Variants in ASB5 observed in about 807,000 individuals in gnomAD.
ASB5 encodes ankyrin repeat and SOCS box protein 5.
In ASB5, 45 loss-of-function variants were observed where a neutral mutation model predicts 42.1. The observed-to-expected ratio is 1.07, with a 90% CI of 0.84 to 1.37. The LOEUF is 1.37. Among genes scored for constraint, ASB5 ranks in the 40% most tolerant of loss-of-function variants. ASB5 has a pLI of 0.00. For synonymous variants in ASB5, 147 were observed against 150.6 expected (o/e 0.98, Z 0.18); for missense variants, 402 against 399.8 (o/e 1.01, Z -0.05).
chr4:176,274,617 C>T (rs1020247055), intron 2 of ASB5, among the ~76,000 whole-genome samples: 1 of 152,148 alleles, frequency 6.6e-6, no homozygotes, highest in African/African-American at 2.4e-5. Context: ...AACCACTGTC[C>T]TCTGAGGTAG....
At chr4:176,234,516 C>T (rs1753635601) in intron 1 of ASB5, among the ~76,000 whole-genome samples, 1 of 152,196 alleles carries the variant, frequency 6.6e-6, no homozygotes. Flanking sequence ...TGTCTCCTTT[C>T]CCTGCTCTAC....
chr4:176,237,919 T>G (rs1372688534), intron 1 of ASB5, among the ~76,000 whole-genome samples: 1 of 151,996 alleles, frequency 6.6e-6, no homozygotes, highest in Non-Finnish European at 1.5e-5. Flanking sequence ...TCCTCAGGAG[T>G]AAGTATGAGA....
At chr4:176,274,516 A>T (rs1412557476) in intron 2 of ASB5, among the ~76,000 whole-genome samples, 1 of 152,220 alleles carries the variant, frequency 6.6e-6, no homozygotes. Flanking sequence ...AAGTGGAAGT[A>T]CTGAGATTCC....
At chr4:176,238,943 T>C (rs1458677632) in intron 1 of ASB5, among the ~76,000 whole-genome samples, 5 of 152,324 alleles carry the variant, frequency 3.3e-5, no homozygotes, top group Non-Finnish European at 7.4e-5. Context: ...AATGACACCA[T>C]AGTTTCCTTC....
chr4:176,233,696 A>G (rs990978185), intron 1 of ASB5, among the ~76,000 whole-genome samples: 11 of 152,046 alleles, frequency 7.2e-5, no homozygotes, highest in African/African-American at 2.7e-4. Context: ...AGTCCTCATC[A>G]TCCAAGCTCA....
At chr4:176,261,831 T>G (rs1314841117) in intron 1 of ASB5, among the ~76,000 whole-genome samples, 1 of 152,160 alleles carries the variant, frequency 6.6e-6, no homozygotes, top group Non-Finnish European at 1.5e-5. Context: ...ATCCAAGCCT[T>G]CTGCTTTTAC....
chr4:176,252,199 T>C (rs148693949), intron 1 of ASB5, among the ~76,000 whole-genome samples: 2 of 150,954 alleles, frequency 1.3e-5, no homozygotes, highest in Non-Finnish European at 2.9e-5. Context: ...AAAGGGACAA[T>C]ATGTCTGATT....
At position 176,238,621 on chromosome 4, in the gene ASB5, G is replaced by C. The variant is rs539287051; in HGVS notation, c.197-13280C>G. Among the ~76,000 whole-genome samples the C allele has an allele frequency of 5.9e-5, 9 of 152,262 alleles. No individual in the cohort carries two copies. The East Asian group carries it at 1.7e-3, about 29-fold the overall frequency. On this transcript the variant is annotated intron_variant, in intron 1 of 6. Coordinates refer to ENST00000296525, the MANE Select transcript of ASB5 (RefSeq NM_080874.4). ...GTATTAACATACTGAAATCTGTCTT[G>C]CTGAAATATGGTGACAGATTCTGTT...
Position 176,221,459 on chromosome 4 carries a change from C to T in ASB5, c.526G>A (p.Ala176Thr), listed in dbSNP as rs755618829. The T allele has an allele frequency of 7.4e-6, 12 of 1,612,842 alleles. No homozygotes were observed. The highest frequency in any genetic ancestry group is 5.0e-5 in the Admixed American group (3 of 59,620). The change falls in exon 4 of 7, where the codon GCC (alanine) becomes ACC (threonine). Residue 176 changes from alanine (A) to threonine (T), a missense_variant. Coordinates refer to ENST00000296525, the MANE Select transcript of ASB5 (RefSeq NM_080874.4). The stretch of plus-strand genomic sequence containing the variant: ...CCCAGAACTAAGTTACCTTTACTGG[C>T]GGCCTCATGCGTTGGGGATGGAAGA... ...SCLPSPTHEA[A>T]SKGHHECLDI... is the part of the protein sequence containing the mutation.
At chr4:176,268,774 G>A (rs1438444540) in intron 1 of ASB5, 139 bp downstream of exon 1, 38 of 672,292 alleles carry the variant, frequency 5.7e-5, no homozygotes, top group Non-Finnish European at 7.3e-5. Context: ...ATAAAGCCAC[G>A]AAGTGAGTTA....
chr4:176,231,484 T>G (rs1339500738), intron 1 of ASB5, among the ~76,000 whole-genome samples: 2 of 151,922 alleles, frequency 1.3e-5, no homozygotes, highest in African/African-American at 4.8e-5. Context: ...AGCACTACAA[T>G]TAGACCTCTG....
intron 5 of ASB5, among the ~76,000 whole-genome samples, chr4:176,219,262 AATAT>A (rs1258503865): frequency 1.8e-5 from 2 of 108,156 alleles, no homozygotes; most frequent in Non-Finnish European, 3.4e-5. Context: ...ATGATATATA[AATAT>A]ATATTTGTAT....
intron 6 of ASB5, among the ~76,000 whole-genome samples, chr4:176,216,376 G>C (rs993878591): frequency 1.1e-4 from 17 of 151,920 alleles, no homozygotes; most frequent in South Asian, 4.2e-4. Flanking sequence ...TTTTTAGATG[G>C]AGTCTCACTC....
intron 1 of ASB5, among the ~76,000 whole-genome samples, chr4:176,231,771 C>T (rs1461299322): frequency 1.3e-5 from 2 of 151,888 alleles, no homozygotes; most frequent in African/African-American, 4.8e-5. Flanking sequence ...CGCTAGAGCC[C>T]GAGTTTGAGG....
Position 176,234,502 on chromosome 4 carries a change from G to A in ASB5, c.197-9161C>T, listed in dbSNP as rs375578591. On this transcript the variant is annotated intron_variant, in intron 1 of 6. Transcript: ENST00000296525. Reference sequence around the variant, plus strand: ...TCCCTGTCCCTTCCCCAACATTCATGCTTTGTCTCCTTTCCCTGCTCTACT... The same window carrying A: ...TCCCTGTCCCTTCCCCAACATTCATACTTTGTCTCCTTTCCCTGCTCTACT... Among the ~76,000 whole-genome samples, 42 of 152,246 alleles carry A rather than the reference G, an allele frequency of 2.8e-4. No individual in the cohort carries two copies. The East Asian group carries it at 6.8e-3, about 25-fold the overall frequency.
At chr4:176,250,082 GAA>G (rs1754003692) in intron 1 of ASB5, among the ~76,000 whole-genome samples, 1 of 140,934 alleles carries the variant, frequency 7.1e-6, no homozygotes, top group Admixed American at 7.1e-5. Flanking sequence ...AAAAAAAAAA[GAA>G]AAAGAAAAAG....
At chr4:176,259,230 A>G (rs1754212559) in intron 1 of ASB5, among the ~76,000 whole-genome samples, 1 of 152,200 alleles carries the variant, frequency 6.6e-6, no homozygotes, top group East Asian at 1.9e-4. Context: ...CTAAAGAATT[A>G]GCACTTTTTC....
rs536945434 is a variant in ASB5, at chr4:176,213,840, A to G, written c.*1760T>C. On this transcript the variant is annotated 3_prime_UTR_variant, in exon 7 of 7. Coordinates refer to ENST00000296525, the MANE Select transcript of ASB5 (RefSeq NM_080874.4). ...TTAATGTTTGATATTTACTTCTCTT[A>G]TTGGCACAAGACTAATAAGATAGAT... is the stretch of plus-strand genomic sequence containing the variant. 6.6e-6 allele frequency: 1 copy of G among 152,214 alleles called. No homozygotes were observed. The highest frequency in any genetic ancestry group is 2.1e-4 in the South Asian group (1 of 4,828). 9.4% of individuals were successfully genotyped at this position (152,214 alleles called of 1,614,324 possible).
intron 5 of ASB5, among the ~76,000 whole-genome samples, chr4:176,220,138 T>G (rs552442643): frequency 2.0e-5 from 3 of 152,308 alleles, no homozygotes; most frequent in East Asian, 3.9e-4. Flanking sequence ...GGCCGCAGGT[T>G]GGACAAGCTT....
Sources: allele counts gnomAD v4.1 joint callset (sites outside exome capture counted in the v4.1 genomes callset), GRCh38; gene constraint gnomAD v4.1.1; transcripts MANE v1.5; gene names NCBI Gene and HGNC (gene_info 2026-07-23, HGNC 2026-07-21).